Variants in SV2C observed in about 807,000 individuals in gnomAD.
SV2C encodes solute carrier family 22 member B3.
SV2C carries 49 observed loss-of-function variants against 79.7 expected under a neutral mutation model. The ratio of observed to expected loss-of-function variants is 0.61; its 90% confidence interval spans 0.49 to 0.78. The LOEUF is 0.78. SV2C is among the 30% of genes least tolerant of loss of function. The probability of loss-of-function intolerance (pLI) is 0.00; values close to 1 mark genes in which losing one functional copy is unlikely to be tolerated. For missense variants in SV2C, 833 were observed against 912.9 expected (o/e 0.91, Z 1.13); for synonymous variants, 334 against 333.2 (o/e 1.00, Z -0.03).
chr5:75,882,155 A>G, the SV2C span, among the ~76,000 whole-genome samples: 1 of 150,312 alleles, frequency 6.7e-6, no homozygotes, highest in Non-Finnish European at 1.5e-5. Context: ...AGCCCACTTG[A>G]TCATGGTGGA....
intron 12 of SV2C, among the ~76,000 whole-genome samples, chr5:76,343,957 G>T (rs246821): frequency 0.47 from 71,899 of 151,966 alleles, 19,347 homozygotes; most frequent in East Asian, 0.83. Context: ...GGAGATTGAG[G>T]TTACAGTGAA....
intron 4 of SV2C, among the ~76,000 whole-genome samples, chr5:76,215,978 C>G (rs559392897): frequency 6.6e-6 from 1 of 150,640 alleles, no homozygotes; most frequent in African/African-American, 2.4e-5. Flanking sequence ...CCCTGACAAG[C>G]CTCTGATGCA....
chr5:75,903,227 T>A, the SV2C span, among the ~76,000 whole-genome samples: 6 of 152,258 alleles, frequency 3.9e-5, no homozygotes, highest in East Asian at 1.2e-3. Context: ...GCTCAAAGTA[T>A]CCTTAGAGAT....
the SV2C span, among the ~76,000 whole-genome samples, chr5:76,040,712 C>T: frequency 6.6e-6 from 1 of 152,154 alleles, no homozygotes; most frequent in Non-Finnish European, 1.5e-5. Flanking sequence ...GTGCAAGTCT[C>T]CCTCAGAAGC....
At chr5:75,862,915 T>C in the SV2C span, among the ~76,000 whole-genome samples, 1 of 152,196 alleles carries the variant, frequency 6.6e-6, no homozygotes, top group African/African-American at 2.4e-5. Context: ...GGTGGTACAG[T>C]GCAGTGGTTG....
At chr5:75,914,548 G>C in the SV2C span, among the ~76,000 whole-genome samples, 1 of 152,176 alleles carries the variant, frequency 6.6e-6, no homozygotes, top group Non-Finnish European at 1.5e-5. Context: ...ATTTGTTACA[G>C]AGGGAATGGA....
At chr5:76,205,949 A>C (rs1744595231) in intron 3 of SV2C, among the ~76,000 whole-genome samples, 1 of 152,176 alleles carries the variant, frequency 6.6e-6, no homozygotes, top group African/African-American at 2.4e-5. Flanking sequence ...ATCTTCAGGG[A>C]GCAAAGAGGA....
chr5:76,102,951 G>GT (rs539536622), intron 1 of SV2C, among the ~76,000 whole-genome samples: 33 of 152,118 alleles, frequency 2.2e-4, no homozygotes, highest in African/African-American at 6.3e-4. Context: ...GCTAGATTTT[G>GT]TTTTTTTATT....
At chr5:76,344,573 G>T (rs542209236) in intron 12 of SV2C, among the ~76,000 whole-genome samples, 1 of 152,268 alleles carries the variant, frequency 6.6e-6, no homozygotes, top group African/African-American at 2.4e-5. Context: ...GCTGGGCGTG[G>T]TGGTGCACGC....
At chr5:76,120,506 A>C (rs1748450099) in intron 1 of SV2C, among the ~76,000 whole-genome samples, 1 of 120,664 alleles carries the variant, frequency 8.3e-6, no homozygotes, top group African/African-American at 3.6e-5. Flanking sequence ...TCCCAGTGCT[A>C]TCCCTCCCCC....
chr5:76,251,600 C>T (rs1013600968), intron 4 of SV2C, among the ~76,000 whole-genome samples: 3 of 152,124 alleles, frequency 2.0e-5, no homozygotes, highest in African/African-American at 7.2e-5. Context: ...TGCCAGGTCT[C>T]ACCCCACCAT....
chr5:75,942,642 A>G, the SV2C span, among the ~76,000 whole-genome samples: 3 of 152,306 alleles, frequency 2.0e-5, no homozygotes, highest in South Asian at 2.1e-4. Context: ...TAAATGATAT[A>G]CAATATGCAG....
chr5:76,241,458 C>T (rs1180308064), intron 4 of SV2C, among the ~76,000 whole-genome samples: 1 of 152,176 alleles, frequency 6.6e-6, no homozygotes, highest in Non-Finnish European at 1.5e-5. Flanking sequence ...CAAGCCGACC[C>T]TGACTTTCAG....
intron 4 of SV2C, among the ~76,000 whole-genome samples, chr5:76,222,446 G>A (rs1745093405): frequency 6.6e-6 from 1 of 152,048 alleles, no homozygotes; most frequent in African/African-American, 2.4e-5. Context: ...GCAGAGGTTT[G>A]GGATGATTGG....
chr5:75,991,839 G>T, the SV2C span, among the ~76,000 whole-genome samples: 1 of 151,678 alleles, frequency 6.6e-6, no homozygotes, highest in Non-Finnish European at 1.5e-5. Context: ...GATTGGAAAT[G>T]CCAGCTCTAT....
At chr5:76,132,999 A>G (rs1748952483) in intron 2 of SV2C, among the ~76,000 whole-genome samples, 1 of 151,966 alleles carries the variant, frequency 6.6e-6, no homozygotes, top group East Asian at 1.9e-4. Context: ...TGTTAAAAAT[A>G]ATATAACCTC....
chr5:75,870,486 A>T, the SV2C span, among the ~76,000 whole-genome samples: 3,735 of 148,916 alleles, frequency 0.025, 157 homozygotes, highest in African/African-American at 0.086. Context: ...AAAAAAATTA[A>T]AAAAAATGAA....
chr5:76,174,782 C>A (rs1197406137), intron 2 of SV2C, among the ~76,000 whole-genome samples: 1 of 152,218 alleles, frequency 6.6e-6, no homozygotes, highest in East Asian at 1.9e-4. Context: ...AATATGTCTC[C>A]AAATGTGGAC....
chr5:75,878,314 A>G, the SV2C span, among the ~76,000 whole-genome samples: 2 of 152,126 alleles, frequency 1.3e-5, no homozygotes, highest in Non-Finnish European at 2.9e-5. Context: ...TTCTAGTCCT[A>G]TATCCATTTT....
Sources: allele counts gnomAD v4.1 joint callset (sites outside exome capture counted in the v4.1 genomes callset), GRCh38; gene constraint gnomAD v4.1.1; transcripts MANE v1.5; gene names NCBI Gene and HGNC (gene_info 2026-07-23, HGNC 2026-07-21).